PCDHA9: variants seen among roughly 807,000 people sequenced by gnomAD.
The protein encoded by PCDHA9 is protocadherin alpha-9.
A neutral mutation model predicts 62.0 loss-of-function variants in PCDHA9; 62 were observed. The observed-to-expected ratio is 1.00, with a 90% CI of 0.81 to 1.23. PCDHA9 has a LOEUF of 1.23. Ranked by LOEUF, PCDHA9 falls within the 50% of genes most tolerant of loss-of-function variation. PCDHA9 has a pLI of 0.00. For synonymous variants in PCDHA9, 557 were observed against 567.6 expected, an observed-to-expected ratio of 0.98 and a Z score of 0.27; for missense variants, 1,205 against 1,249.8, an observed-to-expected ratio of 0.96 and a Z score of 0.54.
intron 1 of PCDHA9, chr5:140,927,019 T>C: frequency 6.2e-7 from 1 of 1,612,660 alleles, no homozygotes; most frequent in Non-Finnish European, 8.5e-7. Flanking sequence ...CTCCGCGGAC[T>C]TGAGGCTGCC....
At chr5:140,928,400 C>T (rs1441591334) in intron 1 of PCDHA9, 15 of 1,614,038 alleles carry the variant, frequency 9.3e-6, no homozygotes, top group Non-Finnish European at 1.3e-5. Context: ...GTGGAATCAT[C>T]CAGTGGGGCC....
chr5:140,868,121 C>T (rs920378220), intron 1 of PCDHA9: 1 of 151,814 alleles, frequency 6.6e-6, no homozygotes, highest in Non-Finnish European at 1.5e-5. Flanking sequence ...AGTTGAAAAG[C>T]CTATTTCTGT....
Position 140,848,888 on chromosome 5 carries a change from A to T in PCDHA9, c.393A>T (p.Pro131=). The part of the protein sequence containing the change: ...VEVKDINDNP[P]VFPATQKNLF... ...TGAAGGACATTAACGACAACCCTCC[A>T]GTGTTCCCAGCGACACAAAAGAATC... is the stretch of plus-strand genomic sequence containing the variant. The change falls in exon 1 of 4, where the codon CCA becomes CCT. Residue 131 remains proline (P), a synonymous_variant. Coordinates refer to ENST00000532602, the MANE Select transcript of PCDHA9 (RefSeq NM_031857.2). 1 of 1,564,652 alleles carries T rather than the reference A, an allele frequency of 6.4e-7. No homozygotes were observed. Among genetic ancestry groups the T allele is most frequent in the Non-Finnish European group, 8.7e-7 (1 of 1,143,352 alleles).
At position 141,009,660 on chromosome 5, in the gene PCDHA9, G is replaced by C; in HGVS notation, c.2576G>C (p.Gly859Ala). 7 of 1,614,084 alleles carry C rather than the reference G, an allele frequency of 4.3e-6. No homozygotes were observed. Among genetic ancestry groups the C allele is most frequent in the Non-Finnish European group, 5.9e-6 (7 of 1,180,030 alleles). Residue 859 changes from glycine (G) to alanine (A), a missense_variant, in exon 4 of 4, where the codon GGT becomes GCT. Physicochemically the swap from Gly to Ala is moderately conservative, Grantham distance 60 (BLOSUM62 0). Coordinates refer to ENST00000532602, the MANE Select transcript of PCDHA9 (RefSeq NM_031857.2). ...PEAGEVSPPV[G>A]AGVNSNSWTF... ...GCAGGAGAAGTGTCCCCTCCAGTCGGTGCGGGTGTCAACAGCAACAGCTGG... is the reference window on the plus strand; with the variant it reads ...GCAGGAGAAGTGTCCCCTCCAGTCGCTGCGGGTGTCAACAGCAACAGCTGG...
chr5:140,877,908 T>G (rs1554170220), intron 1 of PCDHA9: 2 of 1,433,428 alleles, frequency 1.4e-6, no homozygotes, highest in East Asian at 2.5e-5. Context: ...ATAACTACAT[T>G]CTCTCATTTT....
intron 1 of PCDHA9, among the ~76,000 whole-genome samples, chr5:140,889,615 T>C (rs1261276866): frequency 6.6e-6 from 1 of 152,184 alleles, no homozygotes; most frequent in Non-Finnish European, 1.5e-5. Flanking sequence ...ATTATACTGA[T>C]TCATTTCTCT....
chr5:140,968,444 A>G (rs781941315), intron 1 of PCDHA9: 1 of 1,614,048 alleles, frequency 6.2e-7, no homozygotes, highest in South Asian at 1.1e-5. Context: ...CCCACCACTG[A>G]GCAGCACTGT....
chr5:140,941,191 T>TTTCTTTCTTTCTTTCTTTC (rs1487503403), intron 1 of PCDHA9, among the ~76,000 whole-genome samples: 6 of 93,258 alleles, frequency 6.4e-5, no homozygotes, highest in Middle Eastern at 5.1e-3. Flanking sequence ...GCTTCTTTTT[T>TTTCTTTCTTTCTTTCTTTC]TTTCTTTCTT....
rs1664372537 is a variant in PCDHA9, at chr5:140,849,751, C to A, written c.1256C>A (p.Ser419Tyr). The change falls in exon 1 of 4, where the codon TCC becomes TAC. Residue 419 changes from serine (S) to tyrosine (Y), a missense_variant. Physicochemically the swap from Ser to Tyr is moderately radical, Grantham distance 144. Around this residue, in one of 3 missense-constraint regions of PCDHA9, gnomAD observed 887 missense variants for 809.5 expected, o/e 1.10. Coordinates refer to ENST00000532602, the MANE Select transcript of PCDHA9 (RefSeq NM_031857.2). Reference protein sequence around the residue: ...LDRALDRESVSAYELVVTARD... With the variant: ...LDRALDRESVYAYELVVTARD... ...AGAGCTCTGGACCGCGAGAGTGTGT[C>A]CGCCTACGAGCTGGTGGTTACCGCG... 2 of 1,598,420 alleles carry A rather than the reference C, an allele frequency of 1.3e-6. No homozygotes were observed. The highest frequency in any genetic ancestry group is 1.7e-6 in the Non-Finnish European group (2 of 1,167,964).
At chr5:140,941,194 TCTTTCTTCC>T (rs781813612) in intron 1 of PCDHA9, among the ~76,000 whole-genome samples, 93 of 112,424 alleles carry the variant, frequency 8.3e-4, no homozygotes, top group South Asian at 2.2e-3. Flanking sequence ...TCTTTTTTTT[TCTTTCTTCC>T]TTTCTTTCTT....
chr5:140,947,756 T>A (rs1354995389), intron 1 of PCDHA9, among the ~76,000 whole-genome samples: 1 of 151,644 alleles, frequency 6.6e-6, no homozygotes, highest in Non-Finnish European at 1.5e-5. Flanking sequence ...TATTTTATGG[T>A]TTAAAAAATT....
chr5:140,890,173 C>T (rs1188650558), intron 1 of PCDHA9, among the ~76,000 whole-genome samples: 4 of 152,114 alleles, frequency 2.6e-5, no homozygotes, highest in African/African-American at 7.2e-5. Context: ...CAGAAATAGG[C>T]AAATGCTACA....
chr5:140,852,375 T>A lies in PCDHA9; in HGVS notation c.2394+1486T>A, dbSNP rs2042313801. ...TCACTGCAACGTCTGCCTCCTGGGTTCAAGCAATTCTCCTGCCTCAGCCTC... is the reference window on the plus strand; with the variant it reads ...TCACTGCAACGTCTGCCTCCTGGGTACAAGCAATTCTCCTGCCTCAGCCTC... On this transcript the variant is annotated intron_variant, in intron 1 of 3. Transcript: ENST00000532602. 1.0e-5 allele frequency: 2 copies of A among 192,516 alleles called. 1 individual carries two copies. The highest frequency in any genetic ancestry group is 1.3e-4 in the Admixed American group (2 of 14,898). The allele number at this position is 192,516 out of a possible 1,614,324, so 11.9% of individuals were successfully genotyped here. A position where few individuals can be genotyped will look rare whatever the true frequency, so the allele number is the denominator to read the frequency against.
intron 1 of PCDHA9, chr5:140,858,217 G>A: frequency 1.3e-6 from 2 of 1,595,954 alleles, no homozygotes; most frequent in Non-Finnish European, 1.7e-6. Flanking sequence ...GGTGCTCGGC[G>A]GCGCCCACCG....
At chr5:140,965,609 G>T (rs568507618) in intron 1 of PCDHA9, among the ~76,000 whole-genome samples, 9 of 151,736 alleles carry the variant, frequency 5.9e-5, no homozygotes, top group Admixed American at 2.0e-4. Context: ...TGAAGACATT[G>T]TCATCCATTA....
chr5:140,941,310 C>T (rs1375547519), intron 1 of PCDHA9, among the ~76,000 whole-genome samples: 10 of 79,218 alleles, frequency 1.3e-4, no homozygotes, highest in Non-Finnish European at 1.8e-4. Flanking sequence ...CTTTCTTTTT[C>T]TTCTTTCTCT....
intron 1 of PCDHA9, chr5:140,870,153 C>G (rs537593818): frequency 6.2e-7 from 1 of 1,614,088 alleles, no homozygotes; most frequent in East Asian, 2.2e-5. Flanking sequence ...CTGAAGTCGC[C>G]GTGACTTCCT....
intron 1 of PCDHA9, among the ~76,000 whole-genome samples, chr5:140,947,932 T>G (rs1444320082): frequency 1.3e-5 from 2 of 151,584 alleles, no homozygotes; most frequent in African/African-American, 4.8e-5. Flanking sequence ...CCTGATCTTA[T>G]GAGAAAAGTG....
At chr5:140,863,467 G>C (rs2048034330) in intron 1 of PCDHA9, 2 of 502,402 alleles carry the variant, frequency 4.0e-6, no homozygotes, top group Non-Finnish European at 7.8e-6. Context: ...TTTTACTCTG[G>C]AGAGTCGCCT....
Sources: allele counts gnomAD v4.1 joint callset (sites outside exome capture counted in the v4.1 genomes callset), GRCh38; gene constraint gnomAD v4.1.1; regional missense constraint gnomAD v4.1.1; transcripts MANE v1.5; gene names NCBI Gene and HGNC (gene_info 2026-07-23, HGNC 2026-07-21).